The following DYNC1I2 variants were observed in gnomAD, a reference collection of about 807,000 sequenced individuals.
DYNC1I2 encodes cytoplasmic dynein 1 intermediate chain 2.
In DYNC1I2, 53 loss-of-function variants were observed where a neutral mutation model predicts 88.6. The observed-to-expected ratio is 0.60, with a 90% confidence interval of 0.48 to 0.75. The LOEUF is 0.75. Among genes scored for constraint, DYNC1I2 ranks in the 30% least tolerant of loss-of-function variants. The probability of loss-of-function intolerance (pLI) is 0.00; values close to 1 mark genes in which losing one functional copy is unlikely to be tolerated. For synonymous variants in DYNC1I2, 198 were observed against 254.6 expected (o/e 0.78, Z 2.12); for missense variants, 458 against 766.6 (o/e 0.60, Z 4.75).
At chr2:171,719,646 G>A (rs1244023437) in intron 7 of DYNC1I2, among the ~76,000 whole-genome samples, 1 of 152,200 alleles carries the variant, frequency 6.6e-6, no homozygotes, top group African/African-American at 2.4e-5. Flanking sequence ...ATTGGTCGTA[G>A]ACTTAACTCT....
chr2:171,739,950 C>T (rs1239257571), intron 15 of DYNC1I2, among the ~76,000 whole-genome samples: 1 of 152,090 alleles, frequency 6.6e-6, no homozygotes, highest in African/African-American at 2.4e-5. Flanking sequence ...AAGTGATCCG[C>T]CTGCCTCAGC....
At position 171,748,939 on chromosome 2, in the gene DYNC1I2, G is replaced by A. The variant is rs1689960104; in HGVS notation, c.*1050G>A. Among the ~76,000 whole-genome samples the A allele has an allele frequency of 6.6e-6, 1 of 152,168 alleles. No homozygotes were observed. Among genetic ancestry groups the A allele is most frequent in the African/African-American group, 2.4e-5 (1 of 41,444 alleles). ...TTGAAATCAGTGAATTTCAGGAATA[G>A]AGGAAAGGACTATGATCAGATCTTG... On this transcript the variant is annotated 3_prime_UTR_variant, in exon 18 of 18. Transcript: ENST00000397119.
At chr2:171,728,036 G>A (rs1688361242) in intron 12 of DYNC1I2, 69 bp downstream of exon 12, 5 of 1,485,938 alleles carry the variant, frequency 3.4e-6, no homozygotes, top group South Asian at 1.4e-5. Context: ...ACTTAGTAGT[G>A]GCCATCAGAG....
chr2:171,724,932 T>C (rs904047784), intron 7 of DYNC1I2, among the ~76,000 whole-genome samples: 2 of 152,224 alleles, frequency 1.3e-5, no homozygotes, highest in African/African-American at 4.8e-5. Flanking sequence ...ATTATCCCAA[T>C]GTATACTTTT....
At position 171,749,957 on chromosome 2, in the gene DYNC1I2, A is replaced by C. The variant is rs1689998214; in HGVS notation, c.*2068A>C. The stretch of plus-strand genomic sequence containing the variant: ...ACTAAAAGCCTTATAATTTTGAAAA[A>C]TATCCAGTTACAGAAATTGTACCTT... On this transcript the variant is annotated 3_prime_UTR_variant, in exon 18 of 18. Coordinates refer to ENST00000397119, the MANE Select transcript of DYNC1I2 (RefSeq NM_001378.3). Among the ~76,000 whole-genome samples the C allele has an allele frequency of 6.6e-6, 1 of 152,146 alleles. No individual in the cohort carries two copies. The highest frequency in any genetic ancestry group is 1.5e-5 in the Non-Finnish European group (1 of 68,000).
chr2:171,737,280 C>T (rs1162780824), intron 15 of DYNC1I2, among the ~76,000 whole-genome samples: 1 of 152,104 alleles, frequency 6.6e-6, no homozygotes, highest in African/African-American at 2.4e-5. Context: ...TAGGACCTAC[C>T]CTAATTCAAT....
At chr2:171,700,590 C>T (rs1055284905) in intron 3 of DYNC1I2, among the ~76,000 whole-genome samples, 1 of 152,090 alleles carries the variant, frequency 6.6e-6, no homozygotes, top group South Asian at 2.1e-4. Context: ...CTTGTTTAAT[C>T]GTAACTATAA....
chr2:171,727,755 G>T, intron 11 of DYNC1I2, 66 bp from the exon 12 acceptor site: 1 of 1,462,670 alleles, frequency 6.8e-7, no homozygotes, highest in East Asian at 2.3e-5. Context: ...ATAATAGATT[G>T]ATTTTTAGAA....
chr2:171,700,104 G>A lies in DYNC1I2; in HGVS notation c.227-6443G>A, dbSNP rs74875252. Among the ~76,000 whole-genome samples, 297 of 152,222 alleles carry A rather than the reference G, an allele frequency of 2.0e-3. 3 individuals are homozygous for A. Among genetic ancestry groups the A allele is most frequent in the African/African-American group, 6.8e-3 (281 of 41,520 alleles). Reference sequence around the variant, plus strand: ...TCAAGATTTCAGTTAGAGCTTTAGTGATCTGAAGTCTTGACTGAGGCTCGA... The same window carrying A: ...TCAAGATTTCAGTTAGAGCTTTAGTAATCTGAAGTCTTGACTGAGGCTCGA... On this transcript the variant is annotated intron_variant, in intron 3 of 17. Coordinates refer to ENST00000397119, the MANE Select transcript of DYNC1I2 (RefSeq NM_001378.3).
intron 13 of DYNC1I2, 107 bp downstream of exon 13, chr2:171,728,525 C>T (rs1688394420): frequency 3.7e-6 from 3 of 821,252 alleles, no homozygotes; most frequent in African/African-American, 1.7e-5. Flanking sequence ...AGTGTTACAA[C>T]AGCTTATAAG....
chr2:171,733,476 T>G (rs1688774859), intron 15 of DYNC1I2, among the ~76,000 whole-genome samples: 1 of 145,434 alleles, frequency 6.9e-6, no homozygotes, highest in African/African-American at 2.6e-5. Context: ...TTTTTTTTTT[T>G]TTTTTTTTTT....
intron 7 of DYNC1I2, among the ~76,000 whole-genome samples, chr2:171,718,029 T>C (rs1687639463): frequency 6.6e-6 from 1 of 151,306 alleles, no homozygotes; most frequent in South Asian, 2.1e-4. Context: ...CCATCGTAGC[T>C]CACTGCAACC....
Position 171,729,816 on chromosome 2 carries a change from C to T in DYNC1I2, c.1499C>T (p.Ser500Leu), listed in dbSNP as rs977693575. ...AVDFSHLFVT[S>L]SFDWTVKLWT... ...GACTTCTCACATCTTTTTGTCACTT[C>T]ATCGTTTGACTGGACAGTAAAGCTT... The change falls in exon 15 of 18, where the codon TCA (serine) becomes TTA (leucine). Residue 500 changes from serine (S) to leucine (L), a missense_variant. Around this residue, in one of 5 missense-constraint regions of DYNC1I2, gnomAD observed 188 missense variants for 300.4 expected, o/e 0.63. Transcript: ENST00000397119. 1.9e-6 allele frequency: 3 copies of T among 1,613,622 alleles called. No homozygotes were observed. The highest frequency in any genetic ancestry group is 2.5e-6 in the Non-Finnish European group (3 of 1,179,718).
intron 15 of DYNC1I2, among the ~76,000 whole-genome samples, chr2:171,737,832 G>A (rs1689118435): frequency 6.6e-6 from 1 of 151,822 alleles, no homozygotes; most frequent in African/African-American, 2.4e-5. Context: ...TTTAGGTTCA[G>A]GGGTACGTTT....
intron 17 of DYNC1I2, 119 bp from the exon 18 acceptor site, chr2:171,747,657 G>A (rs1394318102): frequency 3.2e-6 from 2 of 620,248 alleles, no homozygotes; most frequent in East Asian, 2.9e-5. Flanking sequence ...ATTATGGAAA[G>A]GCCATTCAGG....
At chr2:171,693,068 ATTTG>A in intron 3 of DYNC1I2, 174 bp downstream of exon 3, 1 of 586,158 alleles carries the variant, frequency 1.7e-6, no homozygotes, top group Non-Finnish European at 3.1e-6. Context: ...TGGTTATTTT[ATTTG>A]TTCAAAAGAG....
At chr2:171,695,501 CTGTA>C (rs759299219) in intron 3 of DYNC1I2, among the ~76,000 whole-genome samples, 61 of 152,164 alleles carry the variant, frequency 4.0e-4, no homozygotes, top group Non-Finnish European at 7.6e-4. Flanking sequence ...TGGCATAGTG[CTGTA>C]TGTCTTTTGT....
intron 15 of DYNC1I2, among the ~76,000 whole-genome samples, chr2:171,732,432 T>C (rs182263741): frequency 5.3e-4 from 81 of 152,318 alleles, no homozygotes; most frequent in Non-Finnish European, 8.8e-4. Context: ...TTTGAAGTGT[T>C]TAGGGTCATT....
At chr2:171,699,882 C>T (rs1686110883) in intron 3 of DYNC1I2, among the ~76,000 whole-genome samples, 1 of 151,890 alleles carries the variant, frequency 6.6e-6, no homozygotes, top group South Asian at 2.1e-4. Context: ...CTCAAGTGAT[C>T]CTCCCGCCTT....
Sources: gnomAD v4.1 joint callset for allele counts (sites outside exome capture counted in the v4.1 genomes callset) on GRCh38, gnomAD v4.1.1 for gene constraint, gnomAD v4.1.1 regional missense constraint, MANE v1.5 for transcripts, NCBI Gene and HGNC (gene_info 2026-07-23, HGNC 2026-07-21) for gene names.